The following FHIT variants were observed in gnomAD, a reference collection of about 807,000 sequenced individuals.
FHIT encodes the protein bis(5'-adenosyl)-triphosphatase.
FHIT carries 19 observed loss-of-function variants against 17.9 expected under a neutral mutation model. The ratio of observed to expected loss-of-function variants is 1.06; its 90% CI spans 0.74 to 1.56. The LOEUF (loss-of-function observed/expected upper bound fraction) is 1.56, where lower values mean the gene tolerates loss of function less well. Among genes scored for constraint, FHIT ranks in the 40% most tolerant of loss-of-function variants. The pLI, the probability that FHIT is intolerant of heterozygous loss-of-function variation, is 0.00. For missense variants in FHIT, 248 were observed against 189.2 expected (o/e 1.31, Z -1.82); for synonymous variants, 81 against 69.7 (o/e 1.16, Z -0.81).
intron 4 of FHIT, among the ~76,000 whole-genome samples, chr3:60,604,318 A>C (rs544513201): frequency 5.7e-4 from 87 of 152,258 alleles, no homozygotes; most frequent in African/African-American, 1.8e-3. Flanking sequence ...GAAGATATAA[A>C]GGCCTTGGTC....
At chr3:60,858,482 T>C (rs559389295) in intron 3 of FHIT, among the ~76,000 whole-genome samples, 35 of 152,290 alleles carry the variant, frequency 2.3e-4, no homozygotes, top group African/African-American at 7.5e-4. Context: ...TGCACTTTCA[T>C]TCTAAAGGAA....
Position 60,706,370 on chromosome 3 carries a change from G to A in FHIT, c.-18+115549C>T, listed in dbSNP as rs549840765. Among the ~76,000 whole-genome samples, 44 of 152,246 alleles carry A rather than the reference G, an allele frequency of 2.9e-4. No homozygotes were observed. The East Asian group carries it at 6.8e-3, about 23-fold the overall frequency. ...GTATACCTATGTAACAAACCTGCAC[G>A]TTCTGCACATGTAACCCAGAACTTT... On this transcript the variant is annotated intron_variant, in intron 4 of 9. Coordinates refer to ENST00000492590, the MANE Select transcript of FHIT (RefSeq NM_002012.4).
At chr3:60,750,931 C>T (rs782069534) in intron 4 of FHIT, among the ~76,000 whole-genome samples, 1 of 152,166 alleles carries the variant, frequency 6.6e-6, no homozygotes, top group African/African-American at 2.4e-5. Context: ...AATACTAAAG[C>T]CTTCTTCCCA....
rs141826129 is a variant in FHIT, at chr3:60,167,905, G to A, written c.104-153753C>T. 5.4e-3 allele frequency among the ~76,000 whole-genome samples: 824 copies of A among 152,140 alleles called. 5 individuals are homozygous for A. The highest frequency in any genetic ancestry group is 0.018 in the African/African-American group (756 of 41,508). Reference sequence around the variant, plus strand: ...AAATTAGCCAGGTGTAGTGGTATGCGCCTGTAGTCCCAGCTTTTTGGAGGG... The same window carrying A: ...AAATTAGCCAGGTGTAGTGGTATGCACCTGTAGTCCCAGCTTTTTGGAGGG... On this transcript the variant is annotated intron_variant, in intron 5 of 9. Transcript: ENST00000492590.
chr3:60,058,437 GTT>G (rs553902224), intron 5 of FHIT, among the ~76,000 whole-genome samples: 11 of 152,140 alleles, frequency 7.2e-5, no homozygotes, highest in Non-Finnish European at 1.5e-4. Flanking sequence ...CGTGTACAGA[GTT>G]TCTATTTGAG....
chr3:59,803,946 C>T (rs1700098963), intron 8 of FHIT, among the ~76,000 whole-genome samples: 1 of 152,194 alleles, frequency 6.6e-6, no homozygotes, highest in African/African-American at 2.4e-5. Context: ...TTCGCCATTA[C>T]TTTCAATGGC....
intron 4 of FHIT, among the ~76,000 whole-genome samples, chr3:60,600,200 T>C (rs2856025): frequency 0.86 from 130,581 of 152,064 alleles, 56,370 homozygotes; most frequent in Non-Finnish European, 0.9. Context: ...GCACCAATGA[T>C]CAGCTCTTCT....
intron 2 of FHIT, among the ~76,000 whole-genome samples, chr3:61,074,565 C>T (rs115877378): frequency 6.6e-6 from 1 of 152,174 alleles, no homozygotes; most frequent in Non-Finnish European, 1.5e-5. Flanking sequence ...CGGCACCACA[C>T]TCCTACAAGA....
At chr3:60,098,809 T>C (rs1413163006) in intron 5 of FHIT, among the ~76,000 whole-genome samples, 5 of 151,952 alleles carry the variant, frequency 3.3e-5, no homozygotes, top group Non-Finnish European at 5.9e-5. Flanking sequence ...CTGATTGTGT[T>C]ATCAGTAAGG....
chr3:60,405,246 T>C (rs1380934462), intron 5 of FHIT, among the ~76,000 whole-genome samples: 1 of 152,214 alleles, frequency 6.6e-6, no homozygotes, highest in Non-Finnish European at 1.5e-5. Flanking sequence ...CTATTTAACA[T>C]ATAGCTACCC....
At chr3:60,605,632 A>C (rs1385836552) in intron 4 of FHIT, among the ~76,000 whole-genome samples, 1 of 152,236 alleles carries the variant, frequency 6.6e-6, no homozygotes, top group Admixed American at 6.5e-5. Flanking sequence ...TACAGCAATT[A>C]AACACAAGGT....
intron 3 of FHIT, among the ~76,000 whole-genome samples, chr3:60,906,817 CTT>C (rs1166467926): frequency 6.6e-6 from 1 of 151,930 alleles, no homozygotes; most frequent in African/African-American, 2.4e-5. Context: ...AATGTAGTGT[CTT>C]TTTTTAAGAA....
Position 60,329,718 on chromosome 3 carries a change from C to T in FHIT, c.103+207142G>A, listed in dbSNP as rs185952318. Among the ~76,000 whole-genome samples the T allele has an allele frequency of 5.3e-5, 8 of 152,298 alleles. No individual in the cohort carries two copies. The East Asian group carries it at 1.5e-3, about 29-fold the overall frequency. On this transcript the variant is annotated intron_variant, in intron 5 of 9. Transcript: ENST00000492590. ...GCAGAAAGAAGCAATCAGAACAAAG[C>T]CAGTCAGCTCTGGTAGCTTGCTCTT...
At chr3:60,092,617 C>T (rs1703779157) in intron 5 of FHIT, among the ~76,000 whole-genome samples, 1 of 152,076 alleles carries the variant, frequency 6.6e-6, no homozygotes, top group Non-Finnish European at 1.5e-5. Flanking sequence ...GAACAAGTCA[C>T]TAGGAGGCCA....
chr3:61,165,156 A>T (rs2037800619), intron 2 of FHIT, among the ~76,000 whole-genome samples: 1 of 152,184 alleles, frequency 6.6e-6, no homozygotes, highest in African/African-American at 2.4e-5. Flanking sequence ...ATATATCCTC[A>T]GTAATGTGAT....
At chr3:60,004,723 T>A (rs2106642907) in intron 7 of FHIT, among the ~76,000 whole-genome samples, 1 of 152,328 alleles carries the variant, frequency 6.6e-6, no homozygotes, top group Non-Finnish European at 1.5e-5. Context: ...CCAATTCCAC[T>A]ATCTGTCAAC....
At chr3:60,365,749 G>A (rs1048032131) in intron 5 of FHIT, among the ~76,000 whole-genome samples, 1 of 152,140 alleles carries the variant, frequency 6.6e-6, no homozygotes, top group Non-Finnish European at 1.5e-5. Flanking sequence ...TGGTTTCTCA[G>A]AAAGTCAACT....
At chr3:59,992,282 G>C (rs990012197) in intron 7 of FHIT, among the ~76,000 whole-genome samples, 8 of 152,104 alleles carry the variant, frequency 5.3e-5, no homozygotes, top group Admixed American at 4.6e-4. Flanking sequence ...ACATATATTT[G>C]TCCTGAGTAA....
At chr3:59,794,407 C>G (rs1182352724) in intron 8 of FHIT, among the ~76,000 whole-genome samples, 2 of 152,204 alleles carry the variant, frequency 1.3e-5, no homozygotes, top group Non-Finnish European at 2.9e-5. Context: ...ATGAAACTTA[C>G]AGAGGAGATA....
Sources: allele counts gnomAD v4.1 joint callset (sites outside exome capture counted in the v4.1 genomes callset), GRCh38; gene constraint gnomAD v4.1.1; transcripts MANE v1.5; gene names NCBI Gene and HGNC (gene_info 2026-07-23, HGNC 2026-07-21).